Variants in ACOT8 observed in about 807,000 individuals in gnomAD.
The protein encoded by ACOT8 is acyl-CoA thioesterase 8, also known as acyl-coenzyme A thioesterase 8.
In ACOT8, 31 loss-of-function variants were observed where a neutral mutation model predicts 38.4. That is an observed-to-expected ratio of 0.81 (90% CI 0.61 to 1.09). The LOEUF (loss-of-function observed/expected upper bound fraction) is 1.09, where lower values mean the gene tolerates loss of function less well. Among genes scored for constraint, ACOT8 ranks in the 50% least tolerant of loss-of-function variants. The pLI is 0.00. For missense variants in ACOT8, 373 were observed against 421.8 expected, an observed-to-expected ratio of 0.88 and a Z score of 1.01; for synonymous variants, 158 against 170.3, an observed-to-expected ratio of 0.93 and a Z score of 0.56.
In ACOT8 at chr20:45,842,819, G is replaced by T. The variant is rs556624690; in HGVS notation, c.841+708C>A. The T allele has an allele frequency of 1.2e-5, 12 of 991,920 alleles. No homozygotes were observed. In the South Asian group the frequency reaches 4.1e-4, roughly 34 times the overall value. The allele number at this position is 991,920 out of a possible 1,614,324, so 61.4% of individuals were successfully genotyped here. ...TCAATCTTGGATTGTGATGCTATTG[G>T]TACTTGAGAATACCCCTTATCTGAG... On this transcript the variant is annotated intron_variant, in intron 5 of 5. Coordinates refer to ENST00000217455, the MANE Select transcript of ACOT8 (RefSeq NM_005469.4).
chr20:45,844,417 G>A lies in ACOT8; in HGVS notation c.492C>T (p.Asp164=). The A allele has an allele frequency of 1.9e-6, 3 of 1,613,820 alleles. No homozygotes were observed. The highest frequency in any genetic ancestry group is 2.5e-6 in the Non-Finnish European group (3 of 1,179,918). ...ATGGGTACCTCTTTTGGAGGTTAGG[G>A]TCCCTGAAAGTAAAGGGAAGAGGGT... ...CETLIDQYLR[D]PNLQKRYPLA... The change falls in exon 4 of 6, where the codon GAC becomes GAT. Residue 164 remains aspartate (D), a synonymous_variant. Transcript: ENST00000217455.
rs1452886855 is a variant in ACOT8, at chr20:45,841,819, G to C, written c.*19C>G. The C allele has an allele frequency of 6.3e-7, 1 of 1,583,522 alleles. No individual in the cohort carries two copies. Among genetic ancestry groups the C allele is most frequent in the Non-Finnish European group, 8.6e-7 (1 of 1,169,078 alleles). On this transcript the variant is annotated 3_prime_UTR_variant, in exon 6 of 6. Coordinates refer to ENST00000217455, the MANE Select transcript of ACOT8 (RefSeq NM_005469.4). ...AGATGGGAGGTTCTTGAAGCCCCAG[G>C]CGAAGCTGGTACCTCTGGCTACAGC...
At chr20:45,856,351 T>C (rs1985426218) in intron 1 of ACOT8, among the ~76,000 whole-genome samples, 1 of 152,158 alleles carries the variant, frequency 6.6e-6, no homozygotes, top group African/African-American at 2.4e-5. Flanking sequence ...TAACTTCCAG[T>C]AAAGCCAGGA....
intron 2 of ACOT8, chr20:45,853,971 T>C (rs1465112786): frequency 2.3e-6 from 3 of 1,304,400 alleles, no homozygotes; most frequent in Non-Finnish European, 2.0e-6. Flanking sequence ...GCAGAACACA[T>C]GAGGGCATCT....
chr20:45,842,996 C>T, intron 5 of ACOT8: 1 of 1,072,986 alleles, frequency 9.3e-7, no homozygotes, highest in Non-Finnish European at 1.1e-6. Context: ...TCCAAGCAGG[C>T]CCTTAGGGAC....
Position 45,857,191 on chromosome 20 carries a change from A to C in ACOT8, c.125T>G (p.Phe42Cys). 1 of 1,612,970 alleles carries C rather than the reference A, an allele frequency of 6.2e-7. No individual in the cohort carries two copies. Among genetic ancestry groups the C allele is most frequent in the South Asian group, 1.1e-5 (1 of 91,016 alleles). Reference sequence around the variant, plus strand: ...CTGGGCAGGAGCTGCCGGCTACCTGAAGAGATCCTCGTCCAGCGGCTCGAG... The same window carrying C: ...CTGGGCAGGAGCTGCCGGCTACCTGCAGAGATCCTCGTCCAGCGGCTCGAG... ...LNLEPLDEDL[F>C]RGRHYWVPAK... Residue 42 changes from phenylalanine to cysteine, a missense_variant, in exon 1 of 6, where the codon TTC (phenylalanine) becomes TGC (cysteine). Transcript: ENST00000217455.
rs938969921 is a variant in ACOT8, at chr20:45,841,776, T to C, written c.*62A>G. ...GAGGGCCAAAAGGGACTGTAACTCC[T>C]GTCTCAGGAATGGGGATAGATGGGA... On this transcript the variant is annotated 3_prime_UTR_variant, in exon 6 of 6. Coordinates refer to ENST00000217455, the MANE Select transcript of ACOT8 (RefSeq NM_005469.4). 2.3e-5 allele frequency: 35 copies of C among 1,508,698 alleles called. No individual in the cohort carries two copies. In the African/African-American group the frequency reaches 3.5e-4, roughly 15 times the overall value. The allele number at this position is 1,508,698 out of a possible 1,614,324, so 93.5% of individuals were successfully genotyped here.
chr20:45,857,293 T>G lies in ACOT8; in HGVS notation c.23A>C (p.Glu8Ala). 3 of 1,610,016 alleles carry G rather than the reference T, an allele frequency of 1.9e-6. No homozygotes were observed. In the Admixed American group the frequency reaches 5.1e-5, roughly 27 times the overall value. MSSPQAP[E>A]DGQGCGDRGD... ...GCGGTCGCCACAGCCCTGCCCATCT[T>G]CTGGGGCCTGCGGGGACGACATCTA... The change falls in exon 1 of 6, where the codon GAA (glutamate) becomes GCA (alanine). Residue 8 changes from glutamate (E) to alanine (A), a missense_variant. Transcript: ENST00000217455.
At chr20:45,842,055 G>A (rs1984216147) in intron 5 of ACOT8, 99 bp from the exon 6 acceptor site, 1 of 1,545,600 alleles carries the variant, frequency 6.5e-7, no homozygotes, top group African/African-American at 1.4e-5. Context: ...TTGCCAGGCT[G>A]GTCTCAAGCG....
chr20:45,842,399 A>G, intron 5 of ACOT8: 1 of 1,212,512 alleles, frequency 8.2e-7, no homozygotes, highest in Non-Finnish European at 1.0e-6. Context: ...GAACTGCTGT[A>G]CCTCTGACCA....
At position 45,843,560 on chromosome 20, in the gene ACOT8, A is replaced by G; in HGVS notation, c.808T>C (p.Trp270Arg). 6.2e-7 allele frequency: 1 copy of G among 1,611,380 alleles called. No homozygotes were observed. Among genetic ancestry groups the G allele is most frequent in the South Asian group, 1.1e-5 (1 of 90,980 alleles). Residue 270 changes from tryptophan (W) to arginine (R), a missense_variant, in exon 5 of 6, where the codon TGG becomes CGG. Physicochemically the swap from Trp to Arg is moderately radical, Grantham distance 101. Transcript: ENST00000217455. The part of the protein sequence containing the change: ...WFHAPFRADH[W>R]MLYECESPWA... ...GGGCTCTCGCATTCATAGAGCATCCAGTGGTCAGCTCGGAAGGGGGCGTGG... is the reference window on the plus strand; with the variant it reads ...GGGCTCTCGCATTCATAGAGCATCCGGTGGTCAGCTCGGAAGGGGGCGTGG...
chr20:45,848,433 G>A lies in ACOT8; in HGVS notation c.488+17C>T. The A allele has an allele frequency of 1.9e-6, 3 of 1,552,572 alleles. No individual in the cohort carries two copies. The highest frequency in any genetic ancestry group is 1.2e-5 in the South Asian group (1 of 83,424). On this transcript the variant is annotated intron_variant, in intron 3 of 5. Coordinates refer to ENST00000217455, the MANE Select transcript of ACOT8 (RefSeq NM_005469.4). ...TGCATTTTGAAAAGTCTGCCATGGA[G>A]CCTCCAGGTCTCTCACCTTAAATAC...
intron 5 of ACOT8, chr20:45,842,928 A>T: frequency 9.9e-7 from 1 of 1,007,546 alleles, no homozygotes; most frequent in Non-Finnish European, 1.2e-6. Flanking sequence ...AAAGGAGGTC[A>T]GGGTTCTGAA....
At chr20:45,844,174 G>A (rs1984489808) in intron 4 of ACOT8, 89 bp downstream of exon 4, 5 of 1,558,608 alleles carry the variant, frequency 3.2e-6, no homozygotes, top group Non-Finnish European at 4.4e-6. Flanking sequence ...CAGGCCCAGA[G>A]AAGGGAACTC....
At chr20:45,856,233 C>T (rs1985414475) in intron 1 of ACOT8, among the ~76,000 whole-genome samples, 1 of 152,218 alleles carries the variant, frequency 6.6e-6, no homozygotes, top group Non-Finnish European at 1.5e-5. Context: ...CACTGCACTC[C>T]AGCCTGGACA....
rs536033555 is a variant in ACOT8 at position 45,857,380 on chromosome 20, T to C, written c.-65A>G. 894 of 1,520,342 alleles carry C rather than the reference T, an allele frequency of 5.9e-4. 10 individuals are homozygous for C. The East Asian group carries it at 9.4e-3, about 16-fold the overall frequency. 94.2% of individuals were successfully genotyped at this position (1,520,342 alleles called of 1,614,324 possible). A position where few individuals can be genotyped will look rare whatever the true frequency, so the allele number is the denominator to read the frequency against. ...AAGACGCGGAGACATACACAGAACC[T>C]GACTCTTCCGGCAGATTGCCCTAGT... On this transcript the variant is annotated 5_prime_UTR_variant, in exon 1 of 6. Transcript: ENST00000217455.
chr20:45,854,271 A>G (rs1233824516), intron 2 of ACOT8, among the ~76,000 whole-genome samples: 2 of 152,172 alleles, frequency 1.3e-5, no homozygotes, highest in East Asian at 1.9e-4. Context: ...GTGCAGTGGC[A>G]CGATCTTGGC....
chr20:45,843,986 C>A, intron 4 of ACOT8: 1 of 799,030 alleles, frequency 1.3e-6, no homozygotes. Context: ...CCAATTTGCA[C>A]AAAGATACTT....
chr20:45,846,181 G>C (rs1984674747), intron 3 of ACOT8, among the ~76,000 whole-genome samples: 1 of 152,178 alleles, frequency 6.6e-6, no homozygotes, highest in South Asian at 2.1e-4. Context: ...CGAGTGGCTA[G>C]AGACTACCTT....
Sources: allele counts gnomAD v4.1 joint callset (sites outside exome capture counted in the v4.1 genomes callset), GRCh38; gene constraint gnomAD v4.1.1; transcripts MANE v1.5; gene names NCBI Gene and HGNC (gene_info 2026-07-23, HGNC 2026-07-21).